Variants in GRIK2 observed in about 807,000 individuals in gnomAD.
The protein encoded by GRIK2 is glutamate ionotropic receptor kainate type subunit 2.
GRIK2 carries 32 observed loss-of-function variants against 100.3 expected under a neutral mutation model. The ratio of observed to expected loss-of-function variants is 0.32; its 90% CI spans 0.24 to 0.43. The LOEUF (loss-of-function observed/expected upper bound fraction) is 0.43. Ranked by LOEUF, GRIK2 falls within the 20% of genes least tolerant of loss-of-function variation. The pLI, the probability that GRIK2 is intolerant of heterozygous loss-of-function variation, is 1.00. For synonymous variants in GRIK2, 417 were observed against 389.4 expected (o/e 1.07, Z -0.83); for missense variants, 843 against 1,114.9 (o/e 0.76, Z 3.47).
At chr6:101,494,773 A>T (rs1359470145) in intron 2 of GRIK2, among the ~76,000 whole-genome samples, 22 of 151,220 alleles carry the variant, frequency 1.5e-4, no homozygotes, top group Admixed American at 1.4e-3. Flanking sequence ...GCTACTAAAA[A>T]TACAAAAAAA....
chr6:101,614,263 G>A (rs971640916), intron 2 of GRIK2, among the ~76,000 whole-genome samples: 12 of 151,680 alleles, frequency 7.9e-5, no homozygotes, highest in African/African-American at 2.9e-4. Flanking sequence ...GAGTATTGGG[G>A]TTTTATTTCT....
At chr6:101,402,556 C>T (rs979839161) in intron 2 of GRIK2, among the ~76,000 whole-genome samples, 17 of 152,292 alleles carry the variant, frequency 1.1e-4, no homozygotes, top group African/African-American at 3.8e-4. Context: ...TGAGGGTCAA[C>T]CAAGGGTCAC....
chr6:101,567,050 A>G (rs1448753574), intron 2 of GRIK2, among the ~76,000 whole-genome samples: 1 of 151,648 alleles, frequency 6.6e-6, no homozygotes, highest in Non-Finnish European at 1.5e-5. Flanking sequence ...AGAGCGAGGA[A>G]GCTAGAAAGC....
intron 10 of GRIK2, among the ~76,000 whole-genome samples, chr6:101,838,282 G>T (rs1030417964): frequency 6.6e-6 from 1 of 152,102 alleles, no homozygotes; most frequent in Non-Finnish European, 1.5e-5. Context: ...TGTAAAACTT[G>T]TATTAAATAA....
At chr6:101,824,581 T>C (rs9498721) in intron 10 of GRIK2, among the ~76,000 whole-genome samples, 27,982 of 152,160 alleles carry the variant, frequency 0.18, 4,610 homozygotes, top group African/African-American at 0.45. Flanking sequence ...AAAAGATTAG[T>C]AGCATTTAAA....
rs1299489616 is a variant in GRIK2 at position 101,686,191 on chromosome 6, T to C, written c.789T>C (p.Ala263=). Residue 263 remains alanine, a synonymous_variant, in exon 7 of 17, where the codon GCT becomes GCC. Coordinates refer to ENST00000369134, the MANE Select transcript of GRIK2 (RefSeq NM_021956.5). ...CATTTGTCTTTCAGGACCTCTTTGC[T>C]CTTGATGTTGAGCCCTACCGATACA... ...HYIFTTLDLF[A]LDVEPYRYSG... The C allele has an allele frequency of 6.2e-7, 1 of 1,611,180 alleles. No individual in the cohort carries two copies.
chr6:101,549,568 A>G (rs1776410862), intron 2 of GRIK2, among the ~76,000 whole-genome samples: 1 of 152,028 alleles, frequency 6.6e-6, no homozygotes, highest in Non-Finnish European at 1.5e-5. Flanking sequence ...ATTTAATTTT[A>G]TCTGATTTTA....
intron 7 of GRIK2, among the ~76,000 whole-genome samples, chr6:101,702,247 A>G (rs1772953122): frequency 2.0e-5 from 3 of 152,036 alleles, no homozygotes; most frequent in Admixed American, 6.6e-5. Context: ...CTTAAAAGAA[A>G]CAAGTTGAAA....
intron 4 of GRIK2, among the ~76,000 whole-genome samples, chr6:101,652,250 T>C (rs576196614): frequency 6.6e-6 from 1 of 152,202 alleles, no homozygotes; most frequent in South Asian, 2.1e-4. Context: ...TGGGAAGTAA[T>C]TAGGTCATGA....
intron 2 of GRIK2, among the ~76,000 whole-genome samples, chr6:101,615,554 A>G (rs1779852626): frequency 6.6e-6 from 1 of 151,772 alleles, no homozygotes; most frequent in South Asian, 2.1e-4. Flanking sequence ...ATTCTGAGAT[A>G]TATTTTATCC....
chr6:101,749,775 C>T (rs1221921449), intron 7 of GRIK2, among the ~76,000 whole-genome samples: 1 of 145,464 alleles, frequency 6.9e-6, no homozygotes, highest in East Asian at 2.0e-4. Context: ...CTAACTATTG[C>T]TTACTGAAAA....
At chr6:101,642,018 G>A (rs146405722) in intron 4 of GRIK2, among the ~76,000 whole-genome samples, 209 of 151,914 alleles carry the variant, frequency 1.4e-3, no homozygotes, top group African/African-American at 4.8e-3. Context: ...CTATTTAGGA[G>A]AATAGAATTG....
rs999601851 is a variant in GRIK2, at chr6:101,904,811, G to A, written c.1748+14948G>A. Among the ~76,000 whole-genome samples, 3 of 151,442 alleles carry A rather than the reference G, an allele frequency of 2.0e-5. No individual in the cohort carries two copies. The East Asian group carries it at 5.8e-4, about 29-fold the overall frequency. ...GTTGATAATTTATTTTGTGTTTATT[G>A]CAAGAATGAAATTAGTTATCTATTC... On this transcript the variant is annotated intron_variant, in intron 12 of 16. Coordinates refer to ENST00000369134, the MANE Select transcript of GRIK2 (RefSeq NM_021956.5).
intron 2 of GRIK2, among the ~76,000 whole-genome samples, chr6:101,496,696 TA>T (rs1773467276): frequency 6.6e-6 from 1 of 152,160 alleles, no homozygotes; most frequent in Non-Finnish European, 1.5e-5. Context: ...GACAAACATG[TA>T]TTTTTGGGTT....
At chr6:101,656,247 G>A (rs1340931959) in intron 4 of GRIK2, among the ~76,000 whole-genome samples, 2 of 149,766 alleles carry the variant, frequency 1.3e-5, no homozygotes, top group Non-Finnish European at 3.0e-5. Context: ...AGGTTGCAGT[G>A]AGCTGAGATT....
intron 7 of GRIK2, among the ~76,000 whole-genome samples, chr6:101,757,701 T>C (rs1226410679): frequency 1.3e-5 from 2 of 152,216 alleles, no homozygotes; most frequent in Non-Finnish European, 2.9e-5. Context: ...CTCTCTTTCA[T>C]AAATCCAGGC....
intron 4 of GRIK2, among the ~76,000 whole-genome samples, chr6:101,637,492 C>T (rs796565718): frequency 1.3e-5 from 2 of 152,058 alleles, no homozygotes; most frequent in South Asian, 4.1e-4. Context: ...TTTAGACTTC[C>T]CATTTTTATC....
chr6:101,855,183 T>C (rs1337208712), intron 10 of GRIK2, among the ~76,000 whole-genome samples: 1 of 152,180 alleles, frequency 6.6e-6, no homozygotes, highest in Non-Finnish European at 1.5e-5. Flanking sequence ...ATGATGAATA[T>C]TTTATTCATT....
In GRIK2 at chr6:101,998,235, TGTTA is replaced by T. The variant is rs771559494; in HGVS notation, c.2086-37102_2086-37099del. On this transcript the variant is annotated intron_variant, in intron 14 of 16. Coordinates refer to ENST00000369134, the MANE Select transcript of GRIK2 (RefSeq NM_021956.5). ...GAGCCACAATTTAAAACTTATGAAT[TGTTA>T]GTTTCTGAAATTTTCCATTTAGTAT... 2.6e-5 allele frequency among the ~76,000 whole-genome samples: 4 copies of T among 152,238 alleles called. 1 individual carries two copies. The highest frequency in any genetic ancestry group is 1.9e-4 in the East Asian group (1 of 5,168).
Sources: allele counts gnomAD v4.1 joint callset (sites outside exome capture counted in the v4.1 genomes callset), GRCh38; gene constraint gnomAD v4.1.1; transcripts MANE v1.5; gene names NCBI Gene and HGNC (gene_info 2026-07-23, HGNC 2026-07-21).